ABCB1: variants seen among roughly 807,000 people sequenced by gnomAD.
ABCB1 encodes ATP-dependent translocase ABCB1.
Under a neutral mutation model 142.0 loss-of-function variants are expected in ABCB1, and 69 were observed. That is an observed-to-expected ratio of 0.49 (90% CI 0.40 to 0.59). The LOEUF is 0.59. Ranked by LOEUF, ABCB1 falls within the 20% of genes least tolerant of loss-of-function variation. The pLI is 0.00. For synonymous variants in ABCB1, 532 were observed against 539.2 expected (o/e 0.99, Z 0.18); for missense variants, 1,326 against 1,554.7 (o/e 0.85, Z 2.47).
Position 87,656,800 on chromosome 7 carries a change from C to T in ABCB1, c.-330-55722G>A, listed in dbSNP as rs990965513. 5.9e-5 allele frequency among the ~76,000 whole-genome samples: 9 copies of T among 152,244 alleles called. No individual in the cohort carries two copies. The South Asian group carries it at 1.9e-3, about 32-fold the overall frequency. On this transcript the variant is annotated intron_variant, in intron 1 of 28. Transcript: ENST00000265724. ...TTCTTCTAAACTTATTTATCCATCA[C>T]TAAGCTACTTAAATTTCAAGTTACT...
rs777842457 is a variant in ABCB1, at chr7:87,541,352, T to C, written c.2319+5A>G. ...AATGAATATAGTGAAAATGGAAACATTTACCTGAAGGAAAAATGTAATAAA... is the reference window on the plus strand; with the variant it reads ...AATGAATATAGTGAAAATGGAAACACTTACCTGAAGGAAAAATGTAATAAA... On this transcript the variant is annotated splice_donor_5th_base_variant and intron_variant, in intron 18 of 27. Transcript: ENST00000622132. 4.0e-6 allele frequency: 6 copies of C among 1,500,658 alleles called. No individual in the cohort carries two copies. The South Asian group carries it at 5.6e-5, about 14-fold the overall frequency. 93.0% of individuals were successfully genotyped at this position (1,500,658 alleles called of 1,614,324 possible).
intron 23 of ABCB1, chr7:87,519,000 G>A (rs1383734781): frequency 4.2e-5 from 15 of 360,418 alleles, no homozygotes; most frequent in Non-Finnish European, 6.6e-5. Flanking sequence ...TTTAAAAGGA[G>A]CCAGTCAGAC....
intron 1 of ABCB1, among the ~76,000 whole-genome samples, chr7:87,622,682 T>G (rs1399836304): frequency 2.0e-5 from 3 of 152,160 alleles, no homozygotes; most frequent in African/African-American, 7.2e-5. Flanking sequence ...AGTTTTGTGT[T>G]TAAGCCTTAT....
At chr7:87,684,608 C>A (rs1827257965) in intron 1 of ABCB1, among the ~76,000 whole-genome samples, 1 of 151,824 alleles carries the variant, frequency 6.6e-6, no homozygotes, top group African/African-American at 2.4e-5. Context: ...ATTAGTTGGG[C>A]ATGGTAGCAC....
intron 14 of ABCB1, among the ~76,000 whole-genome samples, chr7:87,547,868 A>G (rs1311568289): frequency 1.3e-5 from 2 of 148,192 alleles, no homozygotes; most frequent in African/African-American, 5.0e-5. Flanking sequence ...AAAAAAAAAA[A>G]AAAACCTTGG....
intron 21 of ABCB1, among the ~76,000 whole-genome samples, chr7:87,525,357 A>G (rs921164393): frequency 1.3e-5 from 2 of 152,128 alleles, no homozygotes; most frequent in African/African-American, 2.4e-5. Flanking sequence ...TTATTTCTGA[A>G]AAGTAAAAAA....
At chr7:87,578,285 C>T (rs181138635) in intron 4 of ABCB1, among the ~76,000 whole-genome samples, 55 of 152,152 alleles carry the variant, frequency 3.6e-4, no homozygotes, top group African/African-American at 1.3e-3. Context: ...CTATGTGTCT[C>T]TTTTCTTTGT....
At chr7:87,585,938 A>G (rs1353402662) in intron 3 of ABCB1, among the ~76,000 whole-genome samples, 2 of 152,222 alleles carry the variant, frequency 1.3e-5, no homozygotes, top group African/African-American at 4.8e-5. Context: ...TCTAATGAGA[A>G]GGATGGGACA....
At chr7:87,666,130 T>C (rs183313217) in intron 1 of ABCB1, among the ~76,000 whole-genome samples, 4 of 152,286 alleles carry the variant, frequency 2.6e-5, no homozygotes. Context: ...TCCCCTTTTC[T>C]CTGCAACATC....
intron 1 of ABCB1, among the ~76,000 whole-genome samples, chr7:87,610,232 CTT>C (rs914468581): frequency 0.03 from 3,474 of 116,954 alleles, 27 homozygotes; most frequent in Middle Eastern, 0.043. Flanking sequence ...CTTTTTCTTT[CTT>C]TTTTTTTTTT....
chr7:87,633,644 A>G (rs767107715), intron 1 of ABCB1, among the ~76,000 whole-genome samples: 2 of 152,154 alleles, frequency 1.3e-5, no homozygotes, highest in African/African-American at 2.4e-5. Context: ...GGGAAAGTAT[A>G]TAACTAAACT....
chr7:87,535,260 C>G (rs935240808), intron 20 of ABCB1, among the ~76,000 whole-genome samples: 5 of 152,002 alleles, frequency 3.3e-5, no homozygotes, highest in African/African-American at 1.2e-4. Context: ...CCATCTACTT[C>G]TGGATATAAT....
At chr7:87,572,398 A>T (rs1818089621) in intron 4 of ABCB1, among the ~76,000 whole-genome samples, 1 of 152,122 alleles carries the variant, frequency 6.6e-6, no homozygotes, top group African/African-American at 2.4e-5. Context: ...AAAAGTAAAA[A>T]ATTTTGTTCA....
intron 1 of ABCB1, among the ~76,000 whole-genome samples, chr7:87,648,102 G>T (rs1032294060): frequency 6.6e-6 from 1 of 150,700 alleles, no homozygotes; most frequent in African/African-American, 2.4e-5. Context: ...GGAGAATGGC[G>T]TGAACCGGGG....
chr7:87,652,739 G>T (rs1823711290), intron 1 of ABCB1, among the ~76,000 whole-genome samples: 1 of 150,244 alleles, frequency 6.7e-6, no homozygotes, highest in Non-Finnish European at 1.5e-5. Flanking sequence ...CTATTTTTTG[G>T]TATTTTAATA....
At chr7:87,567,218 T>C (rs1817819727) in intron 5 of ABCB1, among the ~76,000 whole-genome samples, 1 of 152,270 alleles carries the variant, frequency 6.6e-6, no homozygotes, top group African/African-American at 2.4e-5. Flanking sequence ...TTCACTGTTA[T>C]GTAATCTTAG....
chr7:87,596,219 T>C (rs1819202384), intron 2 of ABCB1, among the ~76,000 whole-genome samples: 1 of 152,098 alleles, frequency 6.6e-6, no homozygotes, highest in South Asian at 2.1e-4. Flanking sequence ...AATTGTCATT[T>C]GATTAATGAT....
intron 5 of ABCB1, 35 bp downstream of exon 5, chr7:87,570,137 A>G (rs1335076759): frequency 4.4e-6 from 7 of 1,590,998 alleles, no homozygotes; most frequent in African/African-American, 1.3e-5. Context: ...TGAATATAGA[A>G]AAACTTAACA....
At chr7:87,599,893 C>T (rs1819374648) in intron 2 of ABCB1, among the ~76,000 whole-genome samples, 1 of 152,118 alleles carries the variant, frequency 6.6e-6, no homozygotes, top group African/African-American at 2.4e-5. Context: ...TATTATGTAT[C>T]ATTAAAAGAA....
Sources: allele counts gnomAD v4.1 joint callset (sites outside exome capture counted in the v4.1 genomes callset), GRCh38; gene constraint gnomAD v4.1.1; transcripts MANE v1.5; gene names NCBI Gene and HGNC (gene_info 2026-07-23, HGNC 2026-07-21).